Variants in FRAS1 observed in about 807,000 individuals in gnomAD.
FRAS1 encodes the protein extracellular matrix organizing protein FRAS1.
Under a neutral mutation model 435.2 loss-of-function variants are expected in FRAS1, and 290 were observed. The observed-to-expected ratio is 0.67, with a 90% CI of 0.61 to 0.73. The LOEUF is 0.73. Among genes scored for constraint, FRAS1 ranks in the 30% least tolerant of loss-of-function variants. The pLI is 0.00. For missense variants in FRAS1, 4,860 were observed against 5,001.5 expected, an observed-to-expected ratio of 0.97 and a Z score of 0.85; for synonymous variants, 1,800 against 1,851.0, an observed-to-expected ratio of 0.97 and a Z score of 0.71.
chr4:78,316,810 T>C (rs964290102), intron 16 of FRAS1, among the ~76,000 whole-genome samples: 15 of 152,214 alleles, frequency 9.9e-5, no homozygotes, highest in African/African-American at 3.6e-4. Context: ...TTCACTGTGC[T>C]CATGCCAAGA....
chr4:78,083,626 GTTTTTTTT>G (rs35633131), intron 2 of FRAS1, among the ~76,000 whole-genome samples: 1 of 108,304 alleles, frequency 9.2e-6, no homozygotes, highest in Non-Finnish European at 1.8e-5. Flanking sequence ...TGCAAGTTCT[GTTTTTTTT>G]TTTTTTTTTT....
At chr4:78,206,817 G>C (rs1723280505) in intron 2 of FRAS1, among the ~76,000 whole-genome samples, 1 of 152,212 alleles carries the variant, frequency 6.6e-6, no homozygotes, top group South Asian at 2.1e-4. Flanking sequence ...CTGACTTCCA[G>C]CCTAATAGGG....
intron 2 of FRAS1, among the ~76,000 whole-genome samples, chr4:78,161,512 G>A (rs1037201728): frequency 3.3e-5 from 5 of 151,690 alleles, no homozygotes; most frequent in African/African-American, 1.2e-4. Flanking sequence ...ATCTAGACAG[G>A]GCAGTTGATT....
intron 2 of FRAS1, among the ~76,000 whole-genome samples, chr4:78,085,967 T>C (rs1351825748): frequency 6.6e-6 from 1 of 152,148 alleles, no homozygotes; most frequent in Non-Finnish European, 1.5e-5. Flanking sequence ...ATCAACAGAA[T>C]ATACATTCTT....
intron 70 of FRAS1, among the ~76,000 whole-genome samples, chr4:78,531,229 G>A (rs1721702413): frequency 6.6e-6 from 1 of 152,192 alleles, no homozygotes; most frequent in South Asian, 2.1e-4. Flanking sequence ...TCAGCTTAAG[G>A]AGATTTGGTG....
intron 60 of FRAS1, among the ~76,000 whole-genome samples, chr4:78,499,000 A>G (rs1188649514): frequency 6.6e-6 from 1 of 152,130 alleles, no homozygotes; most frequent in African/African-American, 2.4e-5. Flanking sequence ...GGCACGTGCC[A>G]GCATGCCTGG....
At chr4:78,484,191 T>G (rs911345741) in intron 58 of FRAS1, among the ~76,000 whole-genome samples, 1 of 152,194 alleles carries the variant, frequency 6.6e-6, no homozygotes, top group African/African-American at 2.4e-5. Flanking sequence ...GAAAATGCAT[T>G]TGAGACTCAT....
chr4:78,188,266 AGTCTATCT>A (rs1259148562), intron 2 of FRAS1, among the ~76,000 whole-genome samples: 7 of 131,652 alleles, frequency 5.3e-5, no homozygotes, highest in East Asian at 2.3e-4. Context: ...CCAGTAGGAC[AGTCTATCT>A]GTCTGTCTAT....
chr4:78,358,962 A>G (rs1330078660), intron 20 of FRAS1, among the ~76,000 whole-genome samples: 23 of 152,238 alleles, frequency 1.5e-4, no homozygotes, highest in Non-Finnish European at 1.0e-4. Flanking sequence ...AAATCTCTAT[A>G]TGTAAAATTG....
chr4:78,188,100 T>C (rs1173420776), intron 2 of FRAS1, among the ~76,000 whole-genome samples: 1 of 152,146 alleles, frequency 6.6e-6, no homozygotes, highest in Non-Finnish European at 1.5e-5. Context: ...CTTGGTCACC[T>C]GTCAACAGTT....
Position 78,337,746 on chromosome 4 carries a change from C to G in FRAS1, c.2351C>G (p.Ser784Cys). 6.2e-7 allele frequency: 1 copy of G among 1,613,932 alleles called. No individual in the cohort carries two copies. Among genetic ancestry groups the G allele is most frequent in the South Asian group, 1.1e-5 (1 of 91,078 alleles). Residue 784 changes from serine to cysteine, a missense_variant, in exon 20 of 74, where the codon TCT becomes TGT. Coordinates refer to ENST00000512123, the MANE Select transcript of FRAS1 (RefSeq NM_025074.7). ...SDCISCYPHI[S>C]LTNGNCRTSC... ...TGCATCTCCTGTTACCCTCACATCT[C>G]TCTTACCAATGGTAACTGCAGGACC...
intron 2 of FRAS1, chr4:78,068,774 A>C: frequency 2.9e-6 from 1 of 350,540 alleles, no homozygotes; most frequent in Admixed American, 3.8e-5. Context: ...ATCTAGAGAG[A>C]TTCTGCATTC....
At chr4:78,279,643 C>A (rs72657038) in intron 10 of FRAS1, among the ~76,000 whole-genome samples, 34,120 of 151,954 alleles carry the variant, frequency 0.22, 5,003 homozygotes, top group Non-Finnish European at 0.33. Flanking sequence ...TTTATTTTGC[C>A]CTGTGTCTGC....
At chr4:78,177,636 C>T (rs554970550) in intron 2 of FRAS1, among the ~76,000 whole-genome samples, 92 of 152,258 alleles carry the variant, frequency 6.0e-4, no homozygotes, top group Non-Finnish European at 9.1e-4. Context: ...GTAGGGAAGG[C>T]GGGTCTGCCA....
intron 2 of FRAS1, among the ~76,000 whole-genome samples, chr4:78,162,895 C>T (rs1721196680): frequency 6.6e-6 from 1 of 152,186 alleles, no homozygotes; most frequent in Non-Finnish European, 1.5e-5. Flanking sequence ...GTGGAATTAT[C>T]TAAGACAGGA....
Position 78,266,426 on chromosome 4 carries a change from G to T in FRAS1, c.688-408G>T, listed in dbSNP as rs1037385196. On this transcript the variant is annotated intron_variant, in intron 7 of 73. Transcript: ENST00000512123. ...TTTCCCGTGAGGTCCCCTCCGGTTG[G>T]ACAGTGTCCATGCCCTAGCTGCAAG... is the stretch of plus-strand genomic sequence containing the variant. Among the ~76,000 whole-genome samples, 4 of 152,314 alleles carry T rather than the reference G, an allele frequency of 2.6e-5. No individual in the cohort carries two copies. In the South Asian group the frequency reaches 8.3e-4, roughly 32 times the overall value.
At position 78,317,541 on chromosome 4, in the gene FRAS1, C is replaced by T. The variant is rs761787466; in HGVS notation, c.1960+33C>T. The T allele has an allele frequency of 3.2e-6, 5 of 1,580,574 alleles. No homozygotes were observed. The East Asian group carries it at 1.1e-4, about 36-fold the overall frequency. ...TGGTGTCACCATCATTCTTGAGAGGCTATCCCACAAGAACATAGATTTACT... is the reference window on the plus strand; with the variant it reads ...TGGTGTCACCATCATTCTTGAGAGGTTATCCCACAAGAACATAGATTTACT... On this transcript the variant is annotated intron_variant, in intron 17 of 73. Coordinates refer to ENST00000512123, the MANE Select transcript of FRAS1 (RefSeq NM_025074.7).
chr4:78,120,684 A>G (rs1478394851), intron 2 of FRAS1, among the ~76,000 whole-genome samples: 1 of 152,162 alleles, frequency 6.6e-6, no homozygotes, highest in Non-Finnish European at 1.5e-5. Context: ...TCAATGAAGG[A>G]TTAAGCACAC....
chr4:78,508,961 T>C lies in FRAS1; in HGVS notation c.9735T>C (p.Phe3245=). 1 of 1,614,010 alleles carries C rather than the reference T, an allele frequency of 6.2e-7. No homozygotes were observed. The highest frequency in any genetic ancestry group is 8.5e-7 in the Non-Finnish European group (1 of 1,179,880). The change falls in exon 63 of 74, where the codon TTT becomes TTC. Residue 3245 remains phenylalanine (F), a synonymous_variant. Coordinates refer to ENST00000512123, the MANE Select transcript of FRAS1 (RefSeq NM_025074.7). ...ATGGCAATGGGGCCCGGTCTCCCTT[T>C]GAAACCATCACTGACAACACACCAT... ...PTDGNGARSP[F]ETITDNTPFT...
Sources: gnomAD v4.1 joint callset for allele counts (sites outside exome capture counted in the v4.1 genomes callset) on GRCh38, gnomAD v4.1.1 for gene constraint, MANE v1.5 for transcripts, NCBI Gene and HGNC (gene_info 2026-07-23, HGNC 2026-07-21) for gene names.